ZNF462: variants seen among roughly 807,000 people sequenced by gnomAD.
ZNF462 encodes the protein zinc finger protein 462, also known as zinc finger PBX1-interacting protein.
In ZNF462, 10 loss-of-function variants were observed where a neutral mutation model predicts 201.9. That is an observed-to-expected ratio of 0.05 (90% CI 0.03 to 0.08). The LOEUF is 0.08. Among genes scored for constraint, ZNF462 ranks in the 10% least tolerant of loss-of-function variants. ZNF462 has a pLI of 1.00. For synonymous variants in ZNF462, 1,227 were observed against 1,193.3 expected (o/e 1.03, Z -0.58); for missense variants, 2,523 against 3,168.3 (o/e 0.80, Z 4.89).
At position 107,005,486 on chromosome 9, in the gene ZNF462, C is replaced by T. The variant is rs1255981847; in HGVS notation, c.7189+2060C>T. ...GTGATGTTGAACATTTTTTCATATG[C>T]CTGCTGGCCATTTGTATGTCTTCTT... On this transcript the variant is annotated intron_variant, in intron 11 of 12. Coordinates refer to ENST00000277225, the MANE Select transcript of ZNF462 (RefSeq NM_021224.6). This position sits in a 1 kb window ranked among gnomAD's most constrained non-coding sequence, Gnocchi z 4.4. 6.6e-6 allele frequency among the ~76,000 whole-genome samples: 1 copy of T among 152,090 alleles called. No homozygotes were observed. The highest frequency in any genetic ancestry group is 2.4e-5 in the African/African-American group (1 of 41,420).
chr9:106,967,946 A>G (rs1325689018), intron 7 of ZNF462, among the ~76,000 whole-genome samples: 1 of 151,056 alleles, frequency 6.6e-6, no homozygotes, highest in Non-Finnish European at 1.5e-5. Flanking sequence ...TTTTAGTGTT[A>G]TTTTCTGTCT....
intron 10 of ZNF462, among the ~76,000 whole-genome samples, chr9:106,989,298 T>C (rs927620852): frequency 3.9e-5 from 6 of 152,168 alleles, no homozygotes; most frequent in African/African-American, 1.4e-4. Flanking sequence ...GAGATGAGCA[T>C]GCGATTTCTG....
chr9:106,864,080 CTCTCTCTCTCTCTCTCTCTCTCTCTCTCT>C (rs1564062548), intron 1 of ZNF462, among the ~76,000 whole-genome samples: 1 of 138,042 alleles, frequency 7.2e-6, no homozygotes, highest in African/African-American at 2.7e-5. Flanking sequence ...CTCTCTCTCT[CTCTCTCTCTCTCTCTCTCTCTCTCTCTCT>C]CCCTCTCCCC....
Position 106,929,113 on chromosome 9 carries a change from G to A in ZNF462, c.5201G>A (p.Arg1734Lys), listed in dbSNP as rs777720806. 4 of 1,614,114 alleles carry A rather than the reference G, an allele frequency of 2.5e-6. No homozygotes were observed. Among genetic ancestry groups the A allele is most frequent in the Admixed American group, 3.3e-5 (2 of 60,024 alleles). The change falls in exon 3 of 13, where the codon AGG becomes AAG. Residue 1734 changes from arginine (R) to lysine (K), a missense_variant. Coordinates refer to ENST00000277225, the MANE Select transcript of ZNF462 (RefSeq NM_021224.6). This position sits in a 1 kb window ranked among gnomAD's most constrained non-coding sequence, Gnocchi z 8.7. ...AYYTHCLAAS[R>K]TISDKPNKVI... Reference sequence around the variant, plus strand: ...TACACTCACTGCTTGGCAGCCTCCAGGACCATCAGCGACAAGCCCAACAAA... The same window carrying A: ...TACACTCACTGCTTGGCAGCCTCCAAGACCATCAGCGACAAGCCCAACAAA...
At position 106,926,005 on chromosome 9, in the gene ZNF462, A is replaced by T; in HGVS notation, c.2093A>T (p.Glu698Val). 6.2e-7 allele frequency: 1 copy of T among 1,614,244 alleles called. No individual in the cohort carries two copies. The highest frequency in any genetic ancestry group is 8.5e-7 in the Non-Finnish European group (1 of 1,180,048). ...SPVKKRTRID[E>V]IASNLQSKIN... Reference sequence around the variant, plus strand: ...GTGAAGAAGAGAACCAGGATTGACGAGATAGCAAGCAACCTTCAGAGCAAA... The same window carrying T: ...GTGAAGAAGAGAACCAGGATTGACGTGATAGCAAGCAACCTTCAGAGCAAA... Residue 698 changes from glutamate (E) to valine (V), a missense_variant, in exon 3 of 13, where the codon GAG (glutamate) becomes GTG (valine). Transcript: ENST00000277225. The surrounding 1 kb of genome is among the most constrained non-coding windows in gnomAD (Gnocchi z 7.9).
chr9:106,908,544 A>C (rs1418776634), intron 1 of ZNF462, among the ~76,000 whole-genome samples: 1 of 152,060 alleles, frequency 6.6e-6, no homozygotes, highest in Non-Finnish European at 1.5e-5. Flanking sequence ...TTTACTATAT[A>C]TGTGTCTCTT....
rs1401087921 is a variant in ZNF462, at chr9:106,950,506, G to C, written c.6427+11399G>C. On this transcript the variant is annotated intron_variant, in intron 7 of 12. Coordinates refer to ENST00000277225, the MANE Select transcript of ZNF462 (RefSeq NM_021224.6). The surrounding 1 kb of genome is among the most constrained non-coding windows in gnomAD (Gnocchi z 4.1). ...TGCCCATGGGTAAGTTTTTAATTAG[G>C]GATACAGAGAAGGAAAGATGAGGAA... is the stretch of plus-strand genomic sequence containing the variant. Among the ~76,000 whole-genome samples, 1 of 152,092 alleles carries C rather than the reference G, an allele frequency of 6.6e-6. No individual in the cohort carries two copies. The highest frequency in any genetic ancestry group is 1.5e-5 in the Non-Finnish European group (1 of 68,028).
chr9:106,944,576 C>T (rs564364347), intron 7 of ZNF462, among the ~76,000 whole-genome samples: 1 of 152,222 alleles, frequency 6.6e-6, no homozygotes, highest in South Asian at 2.1e-4. Context: ...GTGTTGGAAA[C>T]ATTCAAAGTC....
intron 10 of ZNF462, among the ~76,000 whole-genome samples, chr9:106,987,035 AGAT>A (rs1181656040): frequency 2.8e-5 from 4 of 144,636 alleles, no homozygotes; most frequent in African/African-American, 5.1e-5. Flanking sequence ...ATAGATAGAT[AGAT>A]ATCACAGTTT....
rs1171303295 is a variant in ZNF462 at position 106,872,447 on chromosome 9, C to T, written c.-31+9092C>T. Among the ~76,000 whole-genome samples, 1 of 152,208 alleles carries T rather than the reference C, an allele frequency of 6.6e-6. No individual in the cohort carries two copies. The highest frequency in any genetic ancestry group is 1.9e-4 in the East Asian group (1 of 5,192). The stretch of plus-strand genomic sequence containing the variant: ...GGCACGATCTCCACTTAAGCAACTG[C>T]TGCCTCCCAGGTTCAAGCAATTCTC... On this transcript the variant is annotated intron_variant, in intron 1 of 12. Coordinates refer to ENST00000277225, the MANE Select transcript of ZNF462 (RefSeq NM_021224.6). The surrounding 1 kb of genome is among the most constrained non-coding windows in gnomAD (Gnocchi z 4.5).
chr9:106,961,186 G>A (rs1198658563), intron 7 of ZNF462, among the ~76,000 whole-genome samples: 2 of 152,088 alleles, frequency 1.3e-5, no homozygotes, highest in Non-Finnish European at 2.9e-5. Flanking sequence ...TGAAAAAAAT[G>A]AGGGATAGAG....
chr9:106,864,038 GGCTCTCTCTCTC>G, intron 1 of ZNF462, among the ~76,000 whole-genome samples: 1 of 55,386 alleles, frequency 1.8e-5, no homozygotes, highest in African/African-American at 5.7e-5. Context: ...TCAGGTATTT[GGCTCTCTCTCTC>G]TCTCTCTCTC....
chr9:106,905,980 C>G lies in ZNF462; in HGVS notation c.-30-17374C>G, dbSNP rs902753020. On this transcript the variant is annotated intron_variant, in intron 1 of 12. Transcript: ENST00000277225. The surrounding 1 kb of genome is among the most constrained non-coding windows in gnomAD (Gnocchi z 5.9). ...TTCCTTCTCCCTGTGGAGTTTTACC[C>G]CCTGCTCCTCTGGCCACCCTCCCAA... Among the ~76,000 whole-genome samples, 6 of 152,156 alleles carry G rather than the reference C, an allele frequency of 3.9e-5. No individual in the cohort carries two copies. The highest frequency in any genetic ancestry group is 8.8e-5 in the Non-Finnish European group (6 of 68,022).
In ZNF462 at chr9:106,962,165, A is replaced by G. The variant is rs1008088855; in HGVS notation, c.6428-9840A>G. Among the ~76,000 whole-genome samples, 2 of 152,054 alleles carry G rather than the reference A, an allele frequency of 1.3e-5. No homozygotes were observed. Among genetic ancestry groups the G allele is most frequent in the Non-Finnish European group, 2.9e-5 (2 of 67,968 alleles). On this transcript the variant is annotated intron_variant, in intron 7 of 12. Coordinates refer to ENST00000277225, the MANE Select transcript of ZNF462 (RefSeq NM_021224.6). This position sits in a 1 kb window ranked among gnomAD's most constrained non-coding sequence, Gnocchi z 4.6. ...CTGGAAAATGGAATGCCAGTTAGGA[A>G]CATGTTGCAGTAGAAGTTCACACAG... is the stretch of plus-strand genomic sequence containing the variant.
At chr9:106,964,566 G>A (rs886148403) in intron 7 of ZNF462, among the ~76,000 whole-genome samples, 1 of 151,962 alleles carries the variant, frequency 6.6e-6, no homozygotes, top group Admixed American at 6.6e-5. Flanking sequence ...TCTTTGAAGT[G>A]GAATGAGAAC....
rs533783368 is a variant in ZNF462, at chr9:106,920,815, C to A, written c.-30-2539C>A. 6.6e-6 allele frequency among the ~76,000 whole-genome samples: 1 copy of A among 152,136 alleles called. No individual in the cohort carries two copies. Among genetic ancestry groups the A allele is most frequent in the Admixed American group, 6.5e-5 (1 of 15,282 alleles). On this transcript the variant is annotated intron_variant, in intron 1 of 12. Transcript: ENST00000277225. This position sits in a 1 kb window ranked among gnomAD's most constrained non-coding sequence, Gnocchi z 4.3. ...ATGACTTAATGCCGAAGGTGCCCTG[C>A]TTTCCTTCTGCAGAACCGTAACTTC... is the stretch of plus-strand genomic sequence containing the variant.
In ZNF462 at chr9:106,905,336, C is replaced by CA. The variant is rs909222032; in HGVS notation, c.-30-18016dup. Reference sequence around the variant, plus strand: ...GTTCTGGTGGAGGTGGCAGAGTGTGCAATGGACTCTCTGAGGGTCCTTAGC... The same window carrying CA: ...GTTCTGGTGGAGGTGGCAGAGTGTGCAAATGGACTCTCTGAGGGTCCTTAGC... On this transcript the variant is annotated intron_variant, in intron 1 of 12. Transcript: ENST00000277225. The surrounding 1 kb of genome is among the most constrained non-coding windows in gnomAD (Gnocchi z 5.9). Among the ~76,000 whole-genome samples the CA allele has an allele frequency of 3.9e-5, 6 of 152,136 alleles. No individual in the cohort carries two copies. The highest frequency in any genetic ancestry group is 3.3e-4 in the Admixed American group (5 of 15,268).
intron 1 of ZNF462, among the ~76,000 whole-genome samples, chr9:106,882,839 T>C (rs1828159014): frequency 6.6e-6 from 1 of 152,216 alleles, no homozygotes; most frequent in Non-Finnish European, 1.5e-5. Flanking sequence ...GATGGTGGCA[T>C]GTATTTTGTA....
At chr9:106,908,910 CATATATATATATATAT>C (rs1192231869) in intron 1 of ZNF462, among the ~76,000 whole-genome samples, 861 of 43,982 alleles carry the variant, frequency 0.02, 10 homozygotes, top group Non-Finnish European at 0.027. Context: ...CCCATATATA[CATATATATATATATAT>C]ATATATATAT....
Sources: gnomAD v4.1 joint callset for allele counts (sites outside exome capture counted in the v4.1 genomes callset) on GRCh38, gnomAD v4.1.1 for gene constraint, Gnocchi (gnomAD v3.1) non-coding constraint, MANE v1.5 for transcripts, NCBI Gene and HGNC (gene_info 2026-07-23, HGNC 2026-07-21) for gene names.